Variants in SLC4A7 observed in about 807,000 individuals in gnomAD.
The protein encoded by SLC4A7 is sodium bicarbonate cotransporter 3.
Under a neutral mutation model 137.6 loss-of-function variants are expected in SLC4A7, and 51 were observed. The ratio of observed to expected loss-of-function variants is 0.37; its 90% confidence interval spans 0.30 to 0.47. The LOEUF (loss-of-function observed/expected upper bound fraction) is 0.47, where lower values mean the gene tolerates loss of function less well. Ranked by LOEUF, SLC4A7 falls within the 20% of genes least tolerant of loss-of-function variation. SLC4A7 has a pLI of 1.00. For missense variants in SLC4A7, 1,247 were observed against 1,525.4 expected (o/e 0.82, Z 3.04); for synonymous variants, 542 against 518.6 (o/e 1.05, Z -0.61).
At position 27,469,039 on chromosome 3, in the gene SLC4A7, G is replaced by A. The variant is rs566974953; in HGVS notation, c.60+15028C>T. 5.9e-5 allele frequency among the ~76,000 whole-genome samples: 9 copies of A among 151,980 alleles called. No homozygotes were observed. The South Asian group carries it at 1.0e-3, about 18-fold the overall frequency. On this transcript the variant is annotated intron_variant, in intron 1 of 25. Transcript: ENST00000454389. Reference sequence around the variant, plus strand: ...GGAGAATTGCTTGAACCCAGGAAGCGGAGGTTGCAGTGAGCTGATTTTGCA... The same window carrying A: ...GGAGAATTGCTTGAACCCAGGAAGCAGAGGTTGCAGTGAGCTGATTTTGCA...
chr3:27,446,247 T>C (rs1477291512), intron 3 of SLC4A7, among the ~76,000 whole-genome samples: 1 of 151,810 alleles, frequency 6.6e-6, no homozygotes, highest in African/African-American at 2.4e-5. Context: ...TAGGAATAAT[T>C]ATTAAAATAA....
chr3:27,383,116 G>T, intron 24 of SLC4A7, 37 bp downstream of exon 24: 1 of 1,114,440 alleles, frequency 9.0e-7, no homozygotes, highest in Non-Finnish European at 1.4e-6. Context: ...CATTTGACAT[G>T]CATATAAAAG....
At chr3:27,397,611 G>T in intron 18 of SLC4A7, 73 bp downstream of exon 18, 1 of 738,094 alleles carries the variant, frequency 1.4e-6, no homozygotes, top group South Asian at 1.6e-5. Context: ...AATAACTACT[G>T]AGAAAATAGT....
At chr3:27,398,963 A>T (rs2052477741) in intron 16 of SLC4A7, among the ~76,000 whole-genome samples, 1 of 152,084 alleles carries the variant, frequency 6.6e-6, no homozygotes, top group African/African-American at 2.4e-5. Context: ...AATATAGCAT[A>T]ATAAAATGCA....
chr3:27,448,537 T>C (rs2057840421), intron 3 of SLC4A7, 114 bp downstream of exon 3: 3 of 770,790 alleles, frequency 3.9e-6, no homozygotes, highest in Admixed American at 2.5e-5. Flanking sequence ...CCCCATACAA[T>C]GTGACTACAT....
chr3:27,417,340 G>A (rs1356186967), intron 11 of SLC4A7, among the ~76,000 whole-genome samples: 3 of 152,198 alleles, frequency 2.0e-5, no homozygotes, highest in East Asian at 3.9e-4. Context: ...AAGGATCAAT[G>A]AACAATTTAA....
At chr3:27,427,277 T>C (rs968529566) in intron 7 of SLC4A7, among the ~76,000 whole-genome samples, 37 of 151,248 alleles carry the variant, frequency 2.4e-4, no homozygotes, top group African/African-American at 8.5e-4. Context: ...ACCACTGAGT[T>C]AGAAAAAGGT....
In SLC4A7 at chr3:27,452,420, C is replaced by A; in HGVS notation, c.139G>T (p.Glu47Ter). 6.3e-7 allele frequency: 1 copy of A among 1,595,802 alleles called. No homozygotes were observed. The change falls in exon 2 of 26, where the codon GAA becomes TAA. Residue 47 changes from glutamate to a stop codon, truncating the protein, a stop_gained. Coordinates refer to ENST00000454389, the MANE Select transcript of SLC4A7 (RefSeq NM_001321103.2). LOFTEE classifies it high-confidence loss of function. ...VNTKFEKEEL[E>*]SHRAVYIGVH... is the part of the protein sequence containing the mutation. ...AAGTTATTTTAAACCAACTTACTTT[C>A]TAGTTCTTCTTTTTCAAACTTGGTG... is the stretch of plus-strand genomic sequence containing the variant.
rs146966279 is a variant in SLC4A7, at chr3:27,420,309, C to T, written c.1512+391G>A. Reference sequence around the variant, plus strand: ...TCTCTCTTCAAAAGAAAGACAAGGTCCTGATTAGTATGTAGGTTATCGTCA... The same window carrying T: ...TCTCTCTTCAAAAGAAAGACAAGGTTCTGATTAGTATGTAGGTTATCGTCA... On this transcript the variant is annotated intron_variant, in intron 10 of 25. Coordinates refer to ENST00000454389, the MANE Select transcript of SLC4A7 (RefSeq NM_001321103.2). Among the ~76,000 whole-genome samples, 534 of 152,068 alleles carry T rather than the reference C, an allele frequency of 3.5e-3. 3 individuals carry two copies. Among genetic ancestry groups the T allele is most frequent in the Non-Finnish European group, 5.5e-3 (377 of 67,992 alleles).
At chr3:27,430,450 T>G (rs1330128719) in intron 7 of SLC4A7, among the ~76,000 whole-genome samples, 2 of 148,914 alleles carry the variant, frequency 1.3e-5, no homozygotes, top group African/African-American at 2.5e-5. Flanking sequence ...TGGTGAGACC[T>G]GGTCTCTACA....
In SLC4A7 at chr3:27,411,751, GA is replaced by G. The variant is rs1438931390; in HGVS notation, c.1660-4del. On this transcript the variant is annotated splice_region_variant and splice_polypyrimidine_tract_variant and intron_variant, in intron 11 of 25. Coordinates refer to ENST00000454389, the MANE Select transcript of SLC4A7 (RefSeq NM_001321103.2). ...AACACAGGAATCTTTCTCTTTTCCTGAATTTCACAAAAAACATTATTTTCAG... is the reference window on the plus strand; with the variant it reads ...AACACAGGAATCTTTCTCTTTTCCTGATTTCACAAAAAACATTATTTTCAG... The G allele has an allele frequency of 6.8e-7, 1 of 1,477,554 alleles. No individual in the cohort carries two copies. The highest frequency in any genetic ancestry group is 9.1e-7 in the Non-Finnish European group (1 of 1,098,640). 91.5% of individuals were successfully genotyped at this position (1,477,554 alleles called of 1,614,324 possible).
At chr3:27,468,690 T>C (rs2059111106) in intron 1 of SLC4A7, among the ~76,000 whole-genome samples, 1 of 152,166 alleles carries the variant, frequency 6.6e-6, no homozygotes, top group Admixed American at 6.6e-5. Context: ...ACTGGATCTG[T>C]TTCCTCATCT....
intron 11 of SLC4A7, among the ~76,000 whole-genome samples, 159 bp downstream of exon 11, chr3:27,418,326 TA>T (rs1248240075): frequency 6.6e-6 from 1 of 152,054 alleles, no homozygotes; most frequent in African/African-American, 2.4e-5. Flanking sequence ...AAAAAACTAG[TA>T]AAAAATGGTC....
At chr3:27,431,733 A>T (rs1025842486) in intron 6 of SLC4A7, 64 bp from the exon 7 acceptor site, 17 of 1,402,294 alleles carry the variant, frequency 1.2e-5, no homozygotes, top group African/African-American at 8.7e-5. Flanking sequence ...AGAGACATTT[A>T]AAAAAAAATC....
intron 1 of SLC4A7, among the ~76,000 whole-genome samples, chr3:27,473,705 C>CAAAAAAAAAA: frequency 1.7e-5 from 1 of 59,464 alleles, no homozygotes; most frequent in Non-Finnish European, 2.9e-5. Flanking sequence ...GACCTCATGT[C>CAAAAAAAAAA]AAAAAAAAAA....
At chr3:27,433,577 T>C (rs1467955678) in intron 6 of SLC4A7, among the ~76,000 whole-genome samples, 1 of 151,186 alleles carries the variant, frequency 6.6e-6, no homozygotes, top group Non-Finnish European at 1.5e-5. Flanking sequence ...GTTGTACAAA[T>C]AAAGAGCCGT....
chr3:27,452,171 G>A (rs551414286), intron 2 of SLC4A7, among the ~76,000 whole-genome samples: 16 of 152,156 alleles, frequency 1.1e-4, no homozygotes, highest in African/African-American at 3.9e-4. Flanking sequence ...AACTAATTTT[G>A]TGACTGTGTC....
At chr3:27,382,928 A>T (rs1351058456) in intron 24 of SLC4A7, among the ~76,000 whole-genome samples, 1 of 152,216 alleles carries the variant, frequency 6.6e-6, no homozygotes. Context: ...TTGGCATGGA[A>T]GTTAGTTTAA....
At chr3:27,475,133 C>G (rs1054540575) in intron 1 of SLC4A7, among the ~76,000 whole-genome samples, 9 of 151,884 alleles carry the variant, frequency 5.9e-5, no homozygotes, top group East Asian at 5.8e-4. Context: ...TATCAAATCC[C>G]TGCCCACAGA....
Sources: allele counts gnomAD v4.1 joint callset (sites outside exome capture counted in the v4.1 genomes callset), GRCh38; gene constraint gnomAD v4.1.1; transcripts MANE v1.5; gene names NCBI Gene and HGNC (gene_info 2026-07-23, HGNC 2026-07-21).